KCNT2: variants seen among roughly 807,000 people sequenced by gnomAD.
KCNT2 encodes the protein potassium sodium-activated channel subfamily T member 2.
A neutral mutation model predicts 153.8 loss-of-function variants in KCNT2; 67 were observed. That is an observed-to-expected ratio of 0.44 (90% CI 0.36 to 0.53). KCNT2 has a LOEUF of 0.53. Among genes scored for constraint, KCNT2 ranks in the 20% least tolerant of loss-of-function variants. KCNT2 has a pLI of 0.00. For missense variants in KCNT2, 975 were observed against 1,354.8 expected (o/e 0.72, Z 4.40); for synonymous variants, 500 against 458.8 (o/e 1.09, Z -1.15).
chr1:196,410,695 T>A (rs1224071390), intron 12 of KCNT2, among the ~76,000 whole-genome samples: 2 of 142,788 alleles, frequency 1.4e-5, no homozygotes, highest in Non-Finnish European at 3.0e-5. Flanking sequence ...CGCAATAAAA[T>A]CTGTGCTCAG....
chr1:196,380,798 A>G (rs1182435573), intron 13 of KCNT2, among the ~76,000 whole-genome samples: 1 of 152,192 alleles, frequency 6.6e-6, no homozygotes, highest in Non-Finnish European at 1.5e-5. Flanking sequence ...GCTACAAAAA[A>G]TTGTATCTTT....
intron 22 of KCNT2, among the ~76,000 whole-genome samples, chr1:196,296,677 A>T (rs1042543896): frequency 6.6e-6 from 1 of 152,092 alleles, no homozygotes; most frequent in Non-Finnish European, 1.5e-5. Flanking sequence ...AAACTCACAA[A>T]TAAGTGTCCA....
chr1:196,436,839 T>A (rs1326707780), intron 8 of KCNT2, among the ~76,000 whole-genome samples: 1 of 149,658 alleles, frequency 6.7e-6, no homozygotes, highest in Admixed American at 6.8e-5. Flanking sequence ...TTCAGTCAGT[T>A]ACAACCAAGT....
chr1:196,470,050 A>T (rs1470043990), intron 5 of KCNT2, among the ~76,000 whole-genome samples: 1 of 152,224 alleles, frequency 6.6e-6, no homozygotes, highest in Non-Finnish European at 1.5e-5. Context: ...TATTGTCTCC[A>T]TATACTAAGA....
chr1:196,337,916 C>T (rs1224611642), intron 16 of KCNT2, among the ~76,000 whole-genome samples: 1 of 152,090 alleles, frequency 6.6e-6, no homozygotes, highest in South Asian at 2.1e-4. Context: ...AATGCAAGCT[C>T]TATGAACTAG....
chr1:196,405,233 T>G (rs994856829), intron 12 of KCNT2, among the ~76,000 whole-genome samples: 1 of 151,456 alleles, frequency 6.6e-6, no homozygotes, highest in African/African-American at 2.4e-5. Flanking sequence ...AATTCATCCT[T>G]AAGTAAAGTG....
chr1:196,328,973 A>G (rs1469716695), intron 18 of KCNT2, among the ~76,000 whole-genome samples: 1 of 152,148 alleles, frequency 6.6e-6, no homozygotes, highest in African/African-American at 2.4e-5. Context: ...TGCAACAAGA[A>G]TAGTGTTGAG....
At chr1:196,404,938 A>G (rs924339739) in intron 12 of KCNT2, among the ~76,000 whole-genome samples, 2 of 151,646 alleles carry the variant, frequency 1.3e-5, no homozygotes, top group Admixed American at 6.6e-5. Flanking sequence ...TTTCAATTCA[A>G]TGGATGAATA....
intron 1 of KCNT2, among the ~76,000 whole-genome samples, chr1:196,506,344 G>C (rs368458863): frequency 3.3e-4 from 50 of 152,164 alleles, no homozygotes; most frequent in African/African-American, 1.2e-3. Context: ...AATACAAAAC[G>C]TTCCTAAAAT....
At chr1:196,330,737 T>C (rs892430991) in intron 18 of KCNT2, among the ~76,000 whole-genome samples, 1 of 152,126 alleles carries the variant, frequency 6.6e-6, no homozygotes, top group Non-Finnish European at 1.5e-5. Flanking sequence ...ACTTTAGTCA[T>C]AAATGAATCT....
At chr1:196,270,158 T>A (rs1185979105) in intron 25 of KCNT2, among the ~76,000 whole-genome samples, 2 of 151,982 alleles carry the variant, frequency 1.3e-5, no homozygotes, top group Non-Finnish European at 2.9e-5. Context: ...AGCACCAAAA[T>A]TATTATTGAT....
intron 1 of KCNT2, among the ~76,000 whole-genome samples, chr1:196,500,448 C>A (rs1245597597): frequency 2.0e-5 from 3 of 152,086 alleles, no homozygotes; most frequent in Non-Finnish European, 4.4e-5. Context: ...GCCTTCTTAG[C>A]AAGTTGAGAA....
intron 13 of KCNT2, among the ~76,000 whole-genome samples, chr1:196,377,331 A>T (rs1350534697): frequency 6.6e-6 from 1 of 151,544 alleles, no homozygotes; most frequent in Non-Finnish European, 1.5e-5. Flanking sequence ...TATCAGATAC[A>T]TTTTTTTTGG....
rs1312204620 is a variant in KCNT2, at chr1:196,514,984, T to C, written c.96-22643A>G. Among the ~76,000 whole-genome samples the C allele has an allele frequency of 3.3e-5, 5 of 152,250 alleles. No homozygotes were observed. In the East Asian group the frequency reaches 9.6e-4, roughly 29 times the overall value. On this transcript the variant is annotated intron_variant, in intron 1 of 27. Coordinates refer to ENST00000294725, the MANE Select transcript of KCNT2 (RefSeq NM_198503.5). ...ATGAAACAAACCCACAACAGATGAG[T>C]TCTAGACATTCTAGACATTCAGCCT...
In KCNT2 at chr1:196,465,362, C is replaced by T. The variant is rs1572547466; in HGVS notation, c.569G>A (p.Arg190His). 2 of 1,606,300 alleles carry T rather than the reference C, an allele frequency of 1.2e-6. No individual in the cohort carries two copies. The highest frequency in any genetic ancestry group is 1.3e-5 in the African/African-American group (1 of 74,706). ...MINDLHRAIQ[R>H]TQSAMFNQVL... ...TTGATTAAACATTGCAGACTGTGTACGCTGAATGGCTCTGTGTAGATCATT... is the reference window on the plus strand; with the variant it reads ...TTGATTAAACATTGCAGACTGTGTATGCTGAATGGCTCTGTGTAGATCATT... The change falls in exon 8 of 28, where the codon CGT becomes CAT. Residue 190 changes from arginine to histidine, a missense_variant. Arg to His is a conservative substitution (Grantham distance 29, BLOSUM62 0). Around this residue, in one of 6 missense-constraint regions of KCNT2, gnomAD observed 1 missense variants for 16.8 expected, o/e 0.06. Transcript: ENST00000294725.
chr1:196,252,586 T>TA (rs977338443), intron 26 of KCNT2, among the ~76,000 whole-genome samples: 1 of 151,654 alleles, frequency 6.6e-6, no homozygotes, highest in Admixed American at 6.6e-5. Context: ...CCATATGTAC[T>TA]AAAAACCACA....
chr1:196,527,490 A>G (rs1359873373), intron 1 of KCNT2, among the ~76,000 whole-genome samples: 2 of 152,166 alleles, frequency 1.3e-5, no homozygotes, highest in African/African-American at 2.4e-5. Flanking sequence ...CGTAAAATGA[A>G]TGATATTAAT....
rs796728410 is a variant in KCNT2 at position 196,508,220 on chromosome 1, A to G, written c.96-15879T>C. ...AAAAAAAAAAAAAAAAAAAGTAAAG[A>G]AAGAAACAGAAAAGAAATTGGATCT... On this transcript the variant is annotated intron_variant, in intron 1 of 27. Transcript: ENST00000294725. 5.3e-4 allele frequency among the ~76,000 whole-genome samples: 80 copies of G among 150,366 alleles called. 1 individual carries two copies. The highest frequency in any genetic ancestry group is 1.9e-3 in the African/African-American group (77 of 41,256).
At chr1:196,490,089 G>T (rs1679743935) in intron 2 of KCNT2, 152 bp from the exon 3 acceptor site, 1 of 412,638 alleles carries the variant, frequency 2.4e-6, no homozygotes, top group Non-Finnish European at 4.4e-6. Context: ...GAAGTTCTTG[G>T]TGGCTGAATT....
Sources: gnomAD v4.1 joint callset for allele counts (sites outside exome capture counted in the v4.1 genomes callset) on GRCh38, gnomAD v4.1.1 for gene constraint, gnomAD v4.1.1 regional missense constraint, MANE v1.5 for transcripts, NCBI Gene and HGNC (gene_info 2026-07-23, HGNC 2026-07-21) for gene names.